The following CHD4 variants were observed in gnomAD, a reference collection of about 807,000 sequenced individuals.
The protein encoded by CHD4 is ATP-dependent chromatin remodeler CHD4.
CHD4 carries 35 observed loss-of-function variants against 235.5 expected under a neutral mutation model. The ratio of observed to expected loss-of-function variants is 0.15; its 90% CI spans 0.11 to 0.20. The LOEUF (loss-of-function observed/expected upper bound fraction) is 0.20. CHD4 is among the 10% of genes least tolerant of loss of function. The pLI is 1.00. For synonymous variants in CHD4, 900 were observed against 850.2 expected (o/e 1.06, Z -1.02); for missense variants, 1,329 against 2,432.3 (o/e 0.55, Z 9.54).
Position 6,602,401 on chromosome 12 carries a change from G to A in CHD4, c.197C>T (p.Pro66Leu), listed in dbSNP as rs775541121. 5 of 1,613,982 alleles carry A rather than the reference G, an allele frequency of 3.1e-6. No homozygotes were observed. The South Asian group carries it at 4.4e-5, about 14-fold the overall frequency. ...CTCCTTTTTTTGGCGCTTGCTCTTAGGGATTTTAGGGTCCCGAGGTTTCTT... is the reference window on the plus strand; with the variant it reads ...CTCCTTTTTTTGGCGCTTGCTCTTAAGGATTTTAGGGTCCCGAGGTTTCTT... ...KPKKPRDPKI[P>L]KSKRQKKERM... Residue 66 changes from proline to leucine, a missense_variant, in exon 3 of 40, where the codon CCT (proline) becomes CTT (leucine). This residue lies in a region of CHD4 where 213 missense variants were observed against 177.5 expected (regional missense o/e 1.20). Coordinates refer to ENST00000544040, the MANE Select transcript of CHD4 (RefSeq NM_001273.5).
At chr12:6,598,184 A>G (rs78715412) in intron 11 of CHD4, 38 bp downstream of exon 11, 5 of 1,609,280 alleles carry the variant, frequency 3.1e-6, no homozygotes, top group Non-Finnish European at 4.2e-6. Flanking sequence ...TATCCTCTTC[A>G]TCGTAGCCCC....
At position 6,581,172 on chromosome 12, in the gene CHD4, C is replaced by T. The variant is rs1948181361; in HGVS notation, c.4781G>A (p.Cys1594Tyr). 1 of 1,613,110 alleles carries T rather than the reference C, an allele frequency of 6.2e-7. No homozygotes were observed. The highest frequency in any genetic ancestry group is 8.5e-7 in the Non-Finnish European group (1 of 1,179,808). The change falls in exon 33 of 40, where the codon TGT (cysteine) becomes TAT (tyrosine). Residue 1594 changes from cysteine (C) to tyrosine (Y), a missense_variant and splice_region_variant. By Grantham distance (194) the Cys-to-Tyr change is radical (BLOSUM62 -2). This residue lies in a region of CHD4 where 219 missense variants were observed against 219.3 expected (regional missense o/e 1.00). Coordinates refer to ENST00000544040, the MANE Select transcript of CHD4 (RefSeq NM_001273.5). ...KSTAPETAIECTQAPAPASED... is the reference protein window; with the variant it reads ...KSTAPETAIEYTQAPAPASED... Reference sequence around the variant, plus strand: ...TGAGGCAGGGGCAGGGGCCTGTGTACACTTCAAAGGAAAAAAAAACAAAAA... The same window carrying T: ...TGAGGCAGGGGCAGGGGCCTGTGTATACTTCAAAGGAAAAAAAAACAAAAA...
At chr12:6,571,960 T>TC (rs1947980438) in intron 38 of CHD4, 1 of 151,336 alleles carries the variant, frequency 6.6e-6, no homozygotes, top group Non-Finnish European at 1.5e-5. Context: ...AAACTCCATC[T>TC]CAAAAAACAA....
Position 6,587,576 on chromosome 12 carries a change from G to A in CHD4, c.3704-17C>T. ...TGTCTCCTCCTATAAAAAATCAAGG[G>A]CCCACATCCCCAAAGTCAGTTTCAG... is the stretch of plus-strand genomic sequence containing the variant. On this transcript the variant is annotated splice_polypyrimidine_tract_variant and intron_variant, in intron 24 of 39. Transcript: ENST00000544040. 9 of 1,612,842 alleles carry A rather than the reference G, an allele frequency of 5.6e-6. No individual in the cohort carries two copies. The highest frequency in any genetic ancestry group is 6.8e-6 in the Non-Finnish European group (8 of 1,179,324).
In CHD4 at chr12:6,597,970, C is replaced by A; in HGVS notation, c.1816G>T (p.Ala606Ser). ...CGATAGAAGCGTTCCTCCATCTCTGCAAATTTAGGGTCCTTGTTCTTTCGC... is the reference window on the plus strand; with the variant it reads ...CGATAGAAGCGTTCCTCCATCTCTGAAAATTTAGGGTCCTTGTTCTTTCGC... ...RKRKNKDPKF[A>S]EMEERFYRYG... The change falls in exon 12 of 40, where the codon GCA (alanine) becomes TCA (serine). Residue 606 changes from alanine (A) to serine (S), a missense_variant. By Grantham distance (99) the Ala-to-Ser change is moderately conservative. Around this residue, in one of 26 missense-constraint regions of CHD4, gnomAD observed 121 missense variants for 177.8 expected, o/e 0.68. Coordinates refer to ENST00000544040, the MANE Select transcript of CHD4 (RefSeq NM_001273.5). 1.2e-6 allele frequency: 2 copies of A among 1,614,216 alleles called. No individual in the cohort carries two copies. The highest frequency in any genetic ancestry group is 1.7e-6 in the Non-Finnish European group (2 of 1,180,052).
intron 12 of CHD4, among the ~76,000 whole-genome samples, chr12:6,597,155 A>T (rs566585336): frequency 6.6e-6 from 1 of 151,044 alleles, no homozygotes; most frequent in East Asian, 2.0e-4. Flanking sequence ...GATGGCCTGT[A>T]GTCCCAGCTA....
intron 2 of CHD4, 143 bp from the exon 3 acceptor site, chr12:6,602,640 A>C: frequency 8.8e-7 from 1 of 1,139,942 alleles, no homozygotes; most frequent in Non-Finnish European, 1.2e-6. Flanking sequence ...GTACAGGAGG[A>C]AGCTGATACC....
chr12:6,574,056 TTTTG>T (rs1948025667), intron 37 of CHD4, among the ~76,000 whole-genome samples: 2 of 152,162 alleles, frequency 1.3e-5, no homozygotes, highest in Admixed American at 1.3e-4. Context: ...TTAAAAATAT[TTTTG>T]TTTTTTATTT....
At position 6,598,071 on chromosome 12, in the gene CHD4, C is replaced by T; in HGVS notation, c.1715G>A (p.Arg572Gln). The change falls in exon 12 of 40, where the codon CGA becomes CAA. Residue 572 changes from arginine to glutamine, a missense_variant. This residue lies in a region of CHD4 where 8 missense variants were observed against 41.3 expected (regional missense o/e 0.19). Coordinates refer to ENST00000544040, the MANE Select transcript of CHD4 (RefSeq NM_001273.5). ...QLELHCQVMFRNYQRKNDMDE... is the reference protein window; with the variant it reads ...QLELHCQVMFQNYQRKNDMDE... ...CATATCATTCTTCCGCTGATAGTTT[C>T]GGAACATCACCTGACAGTGCAGCTC... 1 of 1,614,236 alleles carries T rather than the reference C, an allele frequency of 6.2e-7. No individual in the cohort carries two copies. The highest frequency in any genetic ancestry group is 8.5e-7 in the Non-Finnish European group (1 of 1,180,048).
intron 38 of CHD4, among the ~76,000 whole-genome samples, chr12:6,572,548 T>C (rs181700752): frequency 5.4e-4 from 82 of 151,888 alleles, no homozygotes; most frequent in Non-Finnish European, 6.0e-4. Flanking sequence ...CTGGGCAAAA[T>C]GGTGAGAGCC....
Position 6,587,408 on chromosome 12 carries a change from A to G in CHD4, c.3855T>C (p.Tyr1285=), listed in dbSNP as rs1948319813. ...CCCCCATTTCTTCTTCCCGTACCAC[A>G]TACTGGGCCACTTTGAATGAGCTCA... ...EYLSSFKVAQ[Y]VVREEEMGEE... Residue 1285 remains tyrosine, a synonymous_variant, in exon 25 of 40, where the codon TAT becomes TAC. Coordinates refer to ENST00000544040, the MANE Select transcript of CHD4 (RefSeq NM_001273.5). The G allele has an allele frequency of 3.7e-6, 6 of 1,614,088 alleles. No individual in the cohort carries two copies. In the Admixed American group the frequency reaches 1.0e-4, roughly 27 times the overall value.
chr12:6,577,735 G>A (rs368247943), intron 37 of CHD4, 50 bp downstream of exon 37: 9 of 1,608,016 alleles, frequency 5.6e-6, no homozygotes, highest in African/African-American at 1.3e-5. Context: ...AGGACGTTAC[G>A]CACTTTCAAG....
rs1416332432 is a variant in CHD4 at position 6,587,364 on chromosome 12, T to C, written c.3879+20A>G. 6.2e-7 allele frequency: 1 copy of C among 1,607,142 alleles called. No individual in the cohort carries two copies. The highest frequency in any genetic ancestry group is 1.3e-5 in the African/African-American group (1 of 74,932). On this transcript the variant is annotated intron_variant, in intron 25 of 39. Coordinates refer to ENST00000544040, the MANE Select transcript of CHD4 (RefSeq NM_001273.5). The stretch of plus-strand genomic sequence containing the variant: ...TCAGACCAATTACCAAGCACAGGAT[T>C]GCCTTGGATTCATACTCACCCCCAT...
intron 23 of CHD4, 98 bp from the exon 24 acceptor site, chr12:6,588,047 G>A (rs1214760306): frequency 2.3e-6 from 3 of 1,305,090 alleles, no homozygotes; most frequent in Non-Finnish European, 3.2e-6. Flanking sequence ...ACAAGGCAAG[G>A]TCCACAGCCT....
intron 33 of CHD4, 91 bp downstream of exon 33, chr12:6,580,953 G>A: frequency 6.8e-7 from 1 of 1,464,710 alleles, no homozygotes; most frequent in Non-Finnish European, 9.3e-7. Context: ...GTTGCAGTAA[G>A]CCAAGATCGC....
Position 6,602,439 on chromosome 12 carries a change from C to T in CHD4, c.159G>A (p.Lys53=), listed in dbSNP as rs749989939. 3.2e-5 allele frequency: 51 copies of T among 1,613,984 alleles called. No homozygotes were observed. The highest frequency in any genetic ancestry group is 3.8e-5 in the Non-Finnish European group (45 of 1,180,022). The part of the protein sequence containing the change: ...LSETETPKLK[K]KKKPKKPRDP... ...CCCGAGGTTTCTTAGGCTTTTTCTT[C>T]TTCTTGAGCTTTGGAGTCTCTGTTT... The change falls in exon 3 of 40, where the codon AAG becomes AAA. Residue 53 remains lysine, a synonymous_variant. Coordinates refer to ENST00000544040, the MANE Select transcript of CHD4 (RefSeq NM_001273.5).
intron 1 of CHD4, chr12:6,606,852 C>A (rs1163546969): frequency 6.5e-6 from 1 of 154,842 alleles, no homozygotes; most frequent in East Asian, 1.9e-4. Flanking sequence ...GGGGCCAGTC[C>A]CCAGACAGGG....
rs1240766094 is a variant in CHD4 at position 6,577,863 on chromosome 12, G to A, written c.5283C>T (p.Leu1761=). 8 of 1,614,212 alleles carry A rather than the reference G, an allele frequency of 5.0e-6. No individual in the cohort carries two copies. Among genetic ancestry groups the A allele is most frequent in the East Asian group, 2.2e-5 (1 of 44,890 alleles). The stretch of plus-strand genomic sequence containing the variant: ...TCATTTCACCCTTGAAAGGCTCATT[G>A]AGGATGGCATAGCGTGGGTCATTCT... The part of the protein sequence containing the change: ...DIQNDPRYAI[L]NEPFKGEMNR... The change falls in exon 37 of 40, where the codon CTC becomes CTT. Residue 1761 remains leucine (L), a synonymous_variant. Transcript: ENST00000544040.
At chr12:6,576,286 G>A (rs1465251964) in intron 37 of CHD4, among the ~76,000 whole-genome samples, 1 of 152,136 alleles carries the variant, frequency 6.6e-6, no homozygotes, top group Non-Finnish European at 1.5e-5. Context: ...GAACCCGGGA[G>A]GCAGAGGTTG....
Sources: gnomAD v4.1 joint callset for allele counts (sites outside exome capture counted in the v4.1 genomes callset) on GRCh38, gnomAD v4.1.1 for gene constraint, gnomAD v4.1.1 regional missense constraint, MANE v1.5 for transcripts, NCBI Gene and HGNC (gene_info 2026-07-23, HGNC 2026-07-21) for gene names.